Variants in NDUFA10 observed in about 807,000 individuals in gnomAD.
NDUFA10 encodes NADH dehydrogenase [ubiquinone] 1 alpha subcomplex subunit 10, mitochondrial.
NDUFA10 carries 40 observed loss-of-function variants against 47.8 expected under a neutral mutation model. The ratio of observed to expected loss-of-function variants is 0.84; its 90% CI spans 0.65 to 1.09. NDUFA10 has a LOEUF of 1.09. Among genes scored for constraint, NDUFA10 ranks in the 50% least tolerant of loss-of-function variants. The pLI, the probability that NDUFA10 is intolerant of heterozygous loss-of-function variation, is 0.00. For synonymous variants in NDUFA10, 183 were observed against 172.2 expected (o/e 1.06, Z -0.49); for missense variants, 413 against 451.1 (o/e 0.92, Z 0.76).
chr2:240,021,513 C>T (rs911476462), intron 2 of NDUFA10, 101 bp from the exon 3 acceptor site: 48 of 1,052,712 alleles, frequency 4.6e-5, no homozygotes, highest in African/African-American at 4.2e-4. Context: ...CGAATCTCAC[C>T]GCCAGGGATG....
intron 9 of NDUFA10, chr2:239,982,237 AC>A (rs1167335215): frequency 1.7e-5 from 28 of 1,612,488 alleles, no homozygotes; most frequent in Non-Finnish European, 2.2e-5. Context: ...GTTAGACGAA[AC>A]AATTCTGTTC....
At chr2:239,897,585 C>A (rs920411791) in intron 4 of NDUFA10, among the ~76,000 whole-genome samples, 3 of 152,200 alleles carry the variant, frequency 2.0e-5, no homozygotes, top group African/African-American at 7.2e-5. Flanking sequence ...TGAAAAGCAT[C>A]CATACTTGAT....
intron 8 of NDUFA10, among the ~76,000 whole-genome samples, chr2:239,997,988 C>A (rs990163254): frequency 8.5e-5 from 13 of 152,204 alleles, no homozygotes; most frequent in Non-Finnish European, 1.8e-4. Flanking sequence ...TTTAACAAAA[C>A]AGGAACATGC....
At chr2:239,927,121 A>C (rs556372742) in intron 4 of NDUFA10, among the ~76,000 whole-genome samples, 1 of 152,296 alleles carries the variant, frequency 6.6e-6, no homozygotes, top group African/African-American at 2.4e-5. Context: ...GTGGGGACAC[A>C]GTTATACCCT....
chr2:239,926,247 T>C (rs1048092146), intron 4 of NDUFA10, among the ~76,000 whole-genome samples: 11 of 152,250 alleles, frequency 7.2e-5, no homozygotes, highest in African/African-American at 2.2e-4. Context: ...GATGTCAATT[T>C]CCTTCAATGG....
chr2:240,024,770 T>C (rs1431929875), intron 1 of NDUFA10, among the ~76,000 whole-genome samples: 2 of 151,880 alleles, frequency 1.3e-5, no homozygotes, highest in African/African-American at 2.4e-5. Flanking sequence ...GAAATGAGAG[T>C]AGTCAGTCAG....
chr2:240,014,819 C>T lies in NDUFA10; in HGVS notation c.589G>A (p.Asp197Asn), dbSNP rs768211542. 7.4e-6 allele frequency: 12 copies of T among 1,614,166 alleles called. No individual in the cohort carries two copies. The highest frequency in any genetic ancestry group is 6.7e-5 in the East Asian group (3 of 44,884). The change falls in exon 5 of 10, where the codon GAT becomes AAT. Residue 197 changes from aspartate (D) to asparagine (N), a missense_variant. Physicochemically the swap from Asp to Asn is conservative, Grantham distance 23. Coordinates refer to ENST00000252711, the MANE Select transcript of NDUFA10 (RefSeq NM_004544.4). ...YNEVKSVTIC[D>N]YLPPHLVIYI... ...ATCACCAGGTGGGGGGGCAGGTAATCGCAGATGGTGACGCTCTTCACCTCG... is the reference window on the plus strand; with the variant it reads ...ATCACCAGGTGGGGGGGCAGGTAATTGCAGATGGTGACGCTCTTCACCTCG...
rs1005849515 is a variant in NDUFA10 at position 239,945,196 on chromosome 2, A to G, written c.294+44878T>C. Among the ~76,000 whole-genome samples the G allele has an allele frequency of 6.6e-6, 1 of 152,070 alleles. No homozygotes were observed. Among genetic ancestry groups the G allele is most frequent in the Non-Finnish European group, 1.5e-5 (1 of 67,998 alleles). Reference sequence around the variant, plus strand: ...CTGACTGGGGAGGAAATGACAAGCCACTTCTCAGGTCACCGGCAGGCGTTG... The same window carrying G: ...CTGACTGGGGAGGAAATGACAAGCCGCTTCTCAGGTCACCGGCAGGCGTTG... On this transcript the variant is annotated intron_variant, in intron 4 of 5. Coordinates refer to the NDUFA10 transcript ENST00000419408. This position sits in a 1 kb window ranked among gnomAD's most constrained non-coding sequence, Gnocchi z 4.6.
In NDUFA10 at chr2:239,960,112, C is replaced by T; in HGVS notation, c.*1006G>A. On this transcript the variant is annotated 3_prime_UTR_variant, in exon 10 of 10. Transcript: ENST00000252711. ...TGTGGCTAGGAGCTACCATATTGGACACAGTGGAGCTTTACAGTGGAAAAC... is the reference window on the plus strand; with the variant it reads ...TGTGGCTAGGAGCTACCATATTGGATACAGTGGAGCTTTACAGTGGAAAAC... 1.0e-6 allele frequency: 1 copy of T among 985,400 alleles called. No homozygotes were observed. The highest frequency in any genetic ancestry group is 1.7e-5 in the African/African-American group (1 of 57,324). 61.0% of individuals were successfully genotyped at this position (985,400 alleles called of 1,614,324 possible).
chr2:240,012,965 A>G (rs1426181308), intron 5 of NDUFA10: 1 of 152,208 alleles, frequency 6.6e-6, no homozygotes, highest in Non-Finnish European at 1.5e-5. Flanking sequence ...AGTATAAAAG[A>G]GGTGATATGA....
At chr2:239,917,953 G>C (rs1693904376) in intron 4 of NDUFA10, among the ~76,000 whole-genome samples, 1 of 152,196 alleles carries the variant, frequency 6.6e-6, no homozygotes, top group African/African-American at 2.4e-5. Context: ...CCCCAGCCCT[G>C]GGCTGCAGTG....
rs533260826 is a variant in NDUFA10, at chr2:239,906,394, C to G, written c.295-11080G>C. On this transcript the variant is annotated intron_variant, in intron 4 of 5. Transcript: ENST00000419408. This position sits in a 1 kb window ranked among gnomAD's most constrained non-coding sequence, Gnocchi z 4.3. ...TACTCAGGGCACCTTCACCTCAGCA[C>G]CCCAGCTGACCCTTGAAATCAGAGC... 2.0e-5 allele frequency among the ~76,000 whole-genome samples: 3 copies of G among 152,256 alleles called. No homozygotes were observed. Among genetic ancestry groups the G allele is most frequent in the East Asian group, 1.9e-4 (1 of 5,166 alleles).
intron 5 of NDUFA10, among the ~76,000 whole-genome samples, chr2:239,893,765 C>T (rs1438486982): frequency 3.9e-5 from 6 of 152,208 alleles, no homozygotes; most frequent in Admixed American, 6.5e-5. Flanking sequence ...ATTCAAACCA[C>T]GCAGTGGGAG....
intron 4 of NDUFA10, among the ~76,000 whole-genome samples, chr2:239,912,672 C>T (rs1265370198): frequency 6.6e-6 from 1 of 152,196 alleles, no homozygotes; most frequent in Non-Finnish European, 1.5e-5. Context: ...TTGGGGCCCA[C>T]AATGCTGGGG....
chr2:240,001,293 A>G (rs1316854900), intron 8 of NDUFA10, among the ~76,000 whole-genome samples: 9 of 152,366 alleles, frequency 5.9e-5, no homozygotes, highest in Non-Finnish European at 1.3e-4. Context: ...AGTATTAAAG[A>G]ACAAAAATAT....
chr2:240,019,942 A>G (rs191596182), intron 3 of NDUFA10, among the ~76,000 whole-genome samples: 87 of 152,348 alleles, frequency 5.7e-4, no homozygotes, highest in African/African-American at 2.1e-3. Flanking sequence ...AACCAGAAAC[A>G]GCAGACCACA....
At chr2:239,942,022 T>C (rs139454496) in intron 4 of NDUFA10, among the ~76,000 whole-genome samples, 397 of 152,350 alleles carry the variant, frequency 2.6e-3, no homozygotes, top group African/African-American at 8.8e-3. Context: ...GAAAAACAAA[T>C]GGATTCTGCA....
chr2:240,009,070 G>C (rs1316040239), intron 6 of NDUFA10, among the ~76,000 whole-genome samples: 1 of 152,202 alleles, frequency 6.6e-6, no homozygotes, highest in East Asian at 1.9e-4. Context: ...CCTATAGGTA[G>C]CTCAGGGCCG....
rs1211480410 is a variant in NDUFA10, at chr2:239,906,595, G to T, written c.295-11281C>A. ...CCCAAGATTTAAAGAAAATGGCAGT[G>T]CACCCCATGGATGGCAAGAGCCAAC... is the stretch of plus-strand genomic sequence containing the variant. On this transcript the variant is annotated intron_variant, in intron 4 of 5. Transcript: ENST00000419408. This position sits in a 1 kb window ranked among gnomAD's most constrained non-coding sequence, Gnocchi z 4.3. 5.3e-5 allele frequency among the ~76,000 whole-genome samples: 8 copies of T among 152,286 alleles called. No individual in the cohort carries two copies.
Sources: allele counts gnomAD v4.1 joint callset (sites outside exome capture counted in the v4.1 genomes callset), GRCh38; gene constraint gnomAD v4.1.1; non-coding constraint Gnocchi (gnomAD v3.1); transcripts MANE v1.5; gene names NCBI Gene and HGNC (gene_info 2026-07-23, HGNC 2026-07-21).